BMAL1: variants seen among roughly 807,000 people sequenced by gnomAD.
The protein encoded by BMAL1 is basic helix-loop-helix ARNT-like protein 1.
chr11:13,341,276 T>G, the BMAL1 span, among the ~76,000 whole-genome samples: 1 of 152,210 alleles, frequency 6.6e-6, no homozygotes, highest in Non-Finnish European at 1.5e-5. Context: ...CACGGATCCC[T>G]TCCTGCCTGT....
chr11:13,381,217 C>T, the BMAL1 span: 15 of 1,614,004 alleles, frequency 9.3e-6, no homozygotes, highest in East Asian at 2.2e-5. Flanking sequence ...ATCACGAGTA[C>T]GCCTCCCCCT....
At chr11:13,323,527 A>C in the BMAL1 span, among the ~76,000 whole-genome samples, 1 of 152,190 alleles carries the variant, frequency 6.6e-6, no homozygotes, top group Non-Finnish European at 1.5e-5. Context: ...ACCCAGGCCT[A>C]AAATGTGGGC....
At chr11:13,380,092 TG>T in the BMAL1 span, 2 of 152,184 alleles carry the variant, frequency 1.3e-5, no homozygotes, top group South Asian at 4.1e-4. Flanking sequence ...TCAGGAATGA[TG>T]AAACAGCAAT....
chr11:13,319,641 A>G, the BMAL1 span, among the ~76,000 whole-genome samples: 36 of 152,354 alleles, frequency 2.4e-4, 2 homozygotes, highest in South Asian at 7.5e-3. Context: ...GATGGTGGTT[A>G]TCATCCTGCA....
the BMAL1 span, chr11:13,381,292 C>T: frequency 1.2e-6 from 2 of 1,600,292 alleles, no homozygotes; most frequent in Non-Finnish European, 1.7e-6. Context: ...TAGAGAACCT[C>T]TTGCCCAAGA....
At chr11:13,323,878 A>G in the BMAL1 span, among the ~76,000 whole-genome samples, 1 of 152,152 alleles carries the variant, frequency 6.6e-6, no homozygotes, top group African/African-American at 2.4e-5. Context: ...TGGCCTCCCA[A>G]AGTGCTGGGA....
At chr11:13,384,802 A>AT in the BMAL1 span, among the ~76,000 whole-genome samples, 1 of 152,210 alleles carries the variant, frequency 6.6e-6, no homozygotes, top group Non-Finnish European at 1.5e-5. Flanking sequence ...ACTATTCATT[A>AT]TTTATGTTAA....
chr11:13,367,964 T>C, the BMAL1 span, among the ~76,000 whole-genome samples: 1 of 152,372 alleles, frequency 6.6e-6, no homozygotes, highest in East Asian at 1.9e-4. Context: ...GCTCCCAAGC[T>C]GTCCACGTTA....
chr11:13,353,993 G>A, the BMAL1 span, among the ~76,000 whole-genome samples: 3 of 152,052 alleles, frequency 2.0e-5, no homozygotes, highest in African/African-American at 7.3e-5. Context: ...ATTTTTCCAC[G>A]CCACAGCACA....
At chr11:13,327,665 G>C in the BMAL1 span, among the ~76,000 whole-genome samples, 1 of 152,136 alleles carries the variant, frequency 6.6e-6, no homozygotes, top group African/African-American at 2.4e-5. Flanking sequence ...TTTTCTGATT[G>C]TTACCATCAT....
the BMAL1 span, among the ~76,000 whole-genome samples, chr11:13,278,156 ATCC>A: frequency 1.3e-5 from 2 of 152,120 alleles, no homozygotes; most frequent in South Asian, 4.1e-4. Context: ...GTCCGCCCCC[ATCC>A]TCCTCGCGGG....
At chr11:13,381,015 T>G in the BMAL1 span, 1 of 675,712 alleles carries the variant, frequency 1.5e-6, no homozygotes, top group Non-Finnish European at 2.5e-6. Flanking sequence ...CCATATGGCC[T>G]AGAGAGCCTA....
chr11:13,378,553 C>A, the BMAL1 span: 19 of 1,470,232 alleles, frequency 1.3e-5, no homozygotes, highest in Non-Finnish European at 1.7e-5. Context: ...TTGGTCTTCA[C>A]AACTGGGTGG....
the BMAL1 span, among the ~76,000 whole-genome samples, chr11:13,291,805 G>GTTCTCTGTATGATACAGAA: frequency 6.6e-6 from 1 of 151,236 alleles, no homozygotes; most frequent in East Asian, 1.9e-4. Flanking sequence ...TAATTGACGT[G>GTTCTCTGTATGATACAGAA]TACTCTGTAT....
the BMAL1 span, among the ~76,000 whole-genome samples, chr11:13,299,365 G>A: frequency 6.6e-6 from 1 of 152,186 alleles, no homozygotes; most frequent in South Asian, 2.1e-4. Context: ...GGGTGCAGGA[G>A]AAAAGGCTTG....
the BMAL1 span, among the ~76,000 whole-genome samples, chr11:13,325,724 T>C: frequency 2.7e-5 from 4 of 150,860 alleles, no homozygotes; most frequent in Admixed American, 6.6e-5. Flanking sequence ...TTTCAAAAAT[T>C]CAACCCTCTC....
At chr11:13,339,452 CACACAT>C in the BMAL1 span, among the ~76,000 whole-genome samples, 3 of 151,994 alleles carry the variant, frequency 2.0e-5, no homozygotes, top group Non-Finnish European at 2.9e-5. Flanking sequence ...CACACACACA[CACACAT>C]GGTATCTTCT....
chr11:13,359,715 T>C, the BMAL1 span, among the ~76,000 whole-genome samples: 3 of 152,206 alleles, frequency 2.0e-5, no homozygotes, highest in African/African-American at 7.2e-5. Flanking sequence ...TTTTTCTCTG[T>C]TAAGTGATTG....
the BMAL1 span, among the ~76,000 whole-genome samples, chr11:13,316,037 CT>C: frequency 7.8e-4 from 119 of 152,328 alleles, 1 homozygote; most frequent in African/African-American, 2.8e-3. Context: ...TCCCTTTGCC[CT>C]TTTCTCTACC....
Sources: allele counts gnomAD v4.1 joint callset (sites outside exome capture counted in the v4.1 genomes callset), GRCh38; gene constraint gnomAD v4.1.1; transcripts MANE v1.5; gene names NCBI Gene and HGNC (gene_info 2026-07-23, HGNC 2026-07-21).